Variants in TRIB3 observed in about 807,000 individuals in gnomAD.
The protein encoded by TRIB3 is tribbles homolog 3.
In TRIB3, 20 loss-of-function variants were observed where a neutral mutation model predicts 16.6. The ratio of observed to expected loss-of-function variants is 1.20; its 90% CI spans 0.85 to 1.75. TRIB3 has a LOEUF of 1.75. Among genes scored for constraint, TRIB3 ranks in the 40% most tolerant of loss-of-function variants. TRIB3 has a pLI of 0.00. For missense variants in TRIB3, 484 were observed against 488.9 expected (o/e 0.99, Z 0.10); for synonymous variants, 208 against 217.0 (o/e 0.96, Z 0.36).
chr20:389,675 G>A (rs2014919516), intron 2 of TRIB3, among the ~76,000 whole-genome samples: 1 of 152,116 alleles, frequency 6.6e-6, no homozygotes, highest in African/African-American at 2.4e-5. Context: ...CTGGGGAGGT[G>A]AGTCCATGAT....
Position 388,197 on chromosome 20 carries a change from G to A in TRIB3, c.187G>A (p.Ala63Thr). The change falls in exon 2 of 4, where the codon GCC becomes ACC. Residue 63 changes from alanine (A) to threonine (T), a missense_variant. Physicochemically the swap from Ala to Thr is moderately conservative, Grantham distance 58. Coordinates refer to ENST00000217233, the MANE Select transcript of TRIB3 (RefSeq NM_021158.5). ...TGCTCCAGATCGTGCAACTGCTGTG[G>A]CCACTGCCTCCCGTCTTGGGCCCTA... is the stretch of plus-strand genomic sequence containing the variant. ...PTAPDRATAV[A>T]TASRLGPYVL... 1 of 1,614,008 alleles carries A rather than the reference G, an allele frequency of 6.2e-7. No homozygotes were observed. Among genetic ancestry groups the A allele is most frequent in the Non-Finnish European group, 8.5e-7 (1 of 1,180,018 alleles).
intron 3 of TRIB3, among the ~76,000 whole-genome samples, chr20:394,004 ATTTTCT>A (rs914031276): frequency 3.4e-5 from 5 of 146,892 alleles, no homozygotes; most frequent in South Asian, 2.2e-4. Context: ...CCTAAGTCTA[ATTTTCT>A]TTTTCTTTTT....
intron 1 of TRIB3, among the ~76,000 whole-genome samples, chr20:382,134 C>T (rs866539461): frequency 6.8e-5 from 10 of 146,790 alleles, no homozygotes; most frequent in African/African-American, 1.8e-4. Context: ...TGTGCGTGCG[C>T]GCGCGCGCTT....
chr20:392,620 G>A (rs753615078), intron 3 of TRIB3, among the ~76,000 whole-genome samples: 10 of 151,820 alleles, frequency 6.6e-5, no homozygotes, highest in Non-Finnish European at 1.3e-4. Flanking sequence ...GCAATGGCGC[G>A]ATCTTGGCTC....
Position 396,734 on chromosome 20 carries a change from TG to T in TRIB3, c.*49del, listed in dbSNP as rs778272871. The stretch of plus-strand genomic sequence containing the variant: ...TCAGCTGCCAACAGTGGATTGAGTT[TG>T]GGGGTAGCTCCAAGCCTTCTCCTGC... On this transcript the variant is annotated 3_prime_UTR_variant, in exon 4 of 4. Coordinates refer to ENST00000217233, the MANE Select transcript of TRIB3 (RefSeq NM_021158.5). 9.0e-6 allele frequency: 14 copies of T among 1,557,216 alleles called. No individual in the cohort carries two copies. In the South Asian group the frequency reaches 1.6e-4, roughly 17 times the overall value.
At chr20:382,559 A>G in intron 1 of TRIB3, 1 of 1,535,714 alleles carries the variant, frequency 6.5e-7, no homozygotes, top group Non-Finnish European at 8.7e-7. Context: ...GTACTTATGC[A>G]TCTTGCTGTG....
At chr20:388,436 A>G in intron 2 of TRIB3, 135 bp downstream of exon 2, 1 of 1,197,806 alleles carries the variant, frequency 8.3e-7, no homozygotes, top group Non-Finnish European at 1.1e-6. Flanking sequence ...GCATCCAGGG[A>G]GCCCCTGCTG....
intron 3 of TRIB3, among the ~76,000 whole-genome samples, chr20:393,928 C>T (rs2015047214): frequency 1.3e-5 from 2 of 152,234 alleles, no homozygotes; most frequent in African/African-American, 4.8e-5. Flanking sequence ...TGTTTTTCCT[C>T]AACTTTCACC....
Position 396,712 on chromosome 20 carries a change from G to C in TRIB3, c.*22G>C, listed in dbSNP as rs763062412. 1 of 1,577,290 alleles carries C rather than the reference G, an allele frequency of 6.3e-7. No homozygotes were observed. The highest frequency in any genetic ancestry group is 8.6e-7 in the Non-Finnish European group (1 of 1,158,668). Reference sequence around the variant, plus strand: ...CTAGGACCACCCTACTACACGCTCAGCTGCCAACAGTGGATTGAGTTTGGG... The same window carrying C: ...CTAGGACCACCCTACTACACGCTCACCTGCCAACAGTGGATTGAGTTTGGG... On this transcript the variant is annotated 3_prime_UTR_variant, in exon 4 of 4. Transcript: ENST00000217233.
In TRIB3 at chr20:396,711, A is replaced by G. The variant is rs1235908511; in HGVS notation, c.*21A>G. 6.3e-7 allele frequency: 1 copy of G among 1,577,216 alleles called. No individual in the cohort carries two copies. Among genetic ancestry groups the G allele is most frequent in the South Asian group, 1.2e-5 (1 of 86,848 alleles). On this transcript the variant is annotated 3_prime_UTR_variant, in exon 4 of 4. Coordinates refer to ENST00000217233, the MANE Select transcript of TRIB3 (RefSeq NM_021158.5). ...GCTAGGACCACCCTACTACACGCTC[A>G]GCTGCCAACAGTGGATTGAGTTTGG...
intron 2 of TRIB3, 58 bp downstream of exon 2, chr20:388,359 C>T: frequency 6.5e-7 from 1 of 1,535,820 alleles, no homozygotes; most frequent in Non-Finnish European, 8.7e-7. Context: ...AAGGAGGCCT[C>T]CAAAGGATTG....
chr20:396,404 C>T lies in TRIB3; in HGVS notation c.791C>T (p.Ser264Leu), dbSNP rs759054542. The change falls in exon 4 of 4, where the codon TCG (serine) becomes TTG (leucine). Residue 264 changes from serine (S) to leucine (L), a missense_variant. Coordinates refer to ENST00000217233, the MANE Select transcript of TRIB3 (RefSeq NM_021158.5). The part of the protein sequence containing the change: ...MLAGHYPFQD[S>L]EPVLLFGKIR... ...GCCGGCCACTACCCCTTCCAGGACT[C>T]GGAGCCTGTCCTGCTCTTCGGCAAG... is the stretch of plus-strand genomic sequence containing the variant. 9.9e-6 allele frequency: 16 copies of T among 1,613,236 alleles called. No individual in the cohort carries two copies. The East Asian group carries it at 2.5e-4, about 25-fold the overall frequency.
chr20:387,147 A>G (rs2014839900), intron 1 of TRIB3, among the ~76,000 whole-genome samples: 1 of 152,152 alleles, frequency 6.6e-6, no homozygotes, highest in Non-Finnish European at 1.5e-5. Flanking sequence ...AGGCTGAGGC[A>G]GGAGGATTGC....
At chr20:382,500 T>TGTCA (rs1316961155) in intron 1 of TRIB3, 29 of 1,532,930 alleles carry the variant, frequency 1.9e-5, no homozygotes, top group Non-Finnish European at 1.9e-5. Context: ...ATGTAAGGAG[T>TGTCA]GTCATCCCAG....
At chr20:395,332 C>T (rs1306514176) in intron 3 of TRIB3, among the ~76,000 whole-genome samples, 1 of 151,430 alleles carries the variant, frequency 6.6e-6, no homozygotes, top group Non-Finnish European at 1.5e-5. Flanking sequence ...TGCTAATTTT[C>T]GTATTTTTTG....
intron 1 of TRIB3, chr20:382,455 A>G: frequency 7.3e-7 from 1 of 1,371,500 alleles, no homozygotes. Context: ...GTGCACAGCC[A>G]GGTATCATCC....
rs1186318451 is a variant in TRIB3 at position 396,392 on chromosome 20, C to T, written c.779C>T (p.Pro260Leu). ...TTCACCATGCTGGCCGGCCACTACC[C>T]CTTCCAGGACTCGGAGCCTGTCCTG... ...ALFTMLAGHY[P>L]FQDSEPVLLF... The change falls in exon 4 of 4, where the codon CCC becomes CTC. Residue 260 changes from proline to leucine, a missense_variant. By Grantham distance (98) the Pro-to-Leu change is moderately conservative. Coordinates refer to ENST00000217233, the MANE Select transcript of TRIB3 (RefSeq NM_021158.5). The T allele has an allele frequency of 2.5e-6, 4 of 1,613,336 alleles. No homozygotes were observed. Among genetic ancestry groups the T allele is most frequent in the Non-Finnish European group, 2.5e-6 (3 of 1,180,042 alleles).
At chr20:381,650 C>A in intron 1 of TRIB3, 1 of 152,982 alleles carries the variant, frequency 6.5e-6, no homozygotes, top group South Asian at 2.0e-4. Context: ...ACCTGTGTCT[C>A]AGGAGATGGT....
intron 3 of TRIB3, among the ~76,000 whole-genome samples, chr20:393,030 T>A (rs984365942): frequency 7.0e-6 from 1 of 143,064 alleles, no homozygotes; most frequent in Non-Finnish European, 1.5e-5. Flanking sequence ...CATGGCATTT[T>A]AAAAAACTTT....
Sources: allele counts gnomAD v4.1 joint callset (sites outside exome capture counted in the v4.1 genomes callset), GRCh38; gene constraint gnomAD v4.1.1; transcripts MANE v1.5; gene names NCBI Gene and HGNC (gene_info 2026-07-23, HGNC 2026-07-21).